FNDC3A: variants seen among roughly 807,000 people sequenced by gnomAD.
FNDC3A encodes fibronectin type-III domain-containing protein 3A.
FNDC3A carries 32 observed loss-of-function variants against 148.9 expected under a neutral mutation model. The observed-to-expected ratio is 0.21, with a 90% CI of 0.16 to 0.29. The LOEUF is 0.29. Ranked by LOEUF, FNDC3A falls within the 10% of genes least tolerant of loss-of-function variation. The probability of loss-of-function intolerance (pLI) is 1.00; values close to 1 mark genes in which losing one functional copy is unlikely to be tolerated. For missense variants in FNDC3A, 1,191 were observed against 1,452.8 expected (o/e 0.82, Z 2.93); for synonymous variants, 472 against 473.6 (o/e 1.00, Z 0.04).
At chr13:49,161,483 C>T (rs1884113233) in intron 8 of FNDC3A, among the ~76,000 whole-genome samples, 1 of 151,982 alleles carries the variant, frequency 6.6e-6, no homozygotes, top group Non-Finnish European at 1.5e-5. Flanking sequence ...TATTTTGAGC[C>T]TGTGTGTGTG....
intron 1 of FNDC3A, among the ~76,000 whole-genome samples, chr13:48,985,183 A>G (rs1388266798): frequency 6.6e-6 from 1 of 152,228 alleles, no homozygotes. Flanking sequence ...TATAAGGTGT[A>G]CCTACAAATC....
chr13:49,159,077 G>A (rs1566293620), intron 8 of FNDC3A, among the ~76,000 whole-genome samples: 1 of 152,086 alleles, frequency 6.6e-6, no homozygotes, highest in Non-Finnish European at 1.5e-5. Flanking sequence ...TTGTTCTTTT[G>A]GCTTAGGATT....
At chr13:49,118,992 C>T (rs953574337) in intron 4 of FNDC3A, among the ~76,000 whole-genome samples, 2 of 152,222 alleles carry the variant, frequency 1.3e-5, no homozygotes, top group Non-Finnish European at 2.9e-5. Flanking sequence ...CCCAGCAGAG[C>T]TCCCAAGCTC....
chr13:49,036,252 C>T (rs893629550), intron 2 of FNDC3A, among the ~76,000 whole-genome samples: 13 of 151,880 alleles, frequency 8.6e-5, no homozygotes, highest in African/African-American at 2.2e-4. Context: ...TGGGGCATCC[C>T]GAGATATATT....
intron 3 of FNDC3A, among the ~76,000 whole-genome samples, chr13:49,099,876 A>C (rs553150911): frequency 6.9e-4 from 105 of 152,252 alleles, no homozygotes; most frequent in African/African-American, 2.5e-3. Context: ...CCTTAGAAAC[A>C]GTTTTTCTTA....
intron 2 of FNDC3A, among the ~76,000 whole-genome samples, chr13:49,011,073 T>C (rs1390829394): frequency 6.6e-6 from 1 of 152,208 alleles, no homozygotes; most frequent in Non-Finnish European, 1.5e-5. Context: ...TGGGGGTTTC[T>C]AGTTTGGGAT....
intron 2 of FNDC3A, among the ~76,000 whole-genome samples, chr13:49,058,721 GTAGTAT>G (rs1876438122): frequency 6.6e-6 from 1 of 152,194 alleles, no homozygotes; most frequent in Admixed American, 6.5e-5. Flanking sequence ...CACCCAACCT[GTAGTAT>G]TTTGTTACGT....
At chr13:49,200,444 T>A (rs1333595419) in intron 23 of FNDC3A, among the ~76,000 whole-genome samples, 1 of 152,182 alleles carries the variant, frequency 6.6e-6, no homozygotes, top group African/African-American at 2.4e-5. Flanking sequence ...TACAAAGAGA[T>A]TATTTGCCTT....
At chr13:49,171,573 A>C (rs1401541703) in intron 10 of FNDC3A, among the ~76,000 whole-genome samples, 2 of 152,170 alleles carry the variant, frequency 1.3e-5, no homozygotes, top group African/African-American at 2.4e-5. Flanking sequence ...AGTCTCAGGT[A>C]ACCAGCACAG....
At chr13:49,006,350 A>G in intron 2 of FNDC3A, 61 bp downstream of exon 2, 1 of 876,568 alleles carries the variant, frequency 1.1e-6, no homozygotes, top group South Asian at 1.6e-5. Context: ...TGCAAAATTT[A>G]AAACAGATCA....
intron 8 of FNDC3A, among the ~76,000 whole-genome samples, chr13:49,165,206 T>A (rs1284194999): frequency 6.6e-6 from 1 of 152,344 alleles, no homozygotes; most frequent in East Asian, 1.9e-4. Context: ...GGAGGATTAT[T>A]GTGTTTCTTT....
At chr13:49,054,047 T>C (rs1458953398) in intron 2 of FNDC3A, among the ~76,000 whole-genome samples, 1 of 152,310 alleles carries the variant, frequency 6.6e-6, no homozygotes, top group African/African-American at 2.4e-5. Flanking sequence ...ATCTCTATTT[T>C]AATGTTAATG....
chr13:49,117,203 G>A (rs1302430864), intron 4 of FNDC3A, among the ~76,000 whole-genome samples: 2 of 152,162 alleles, frequency 1.3e-5, no homozygotes, highest in Admixed American at 1.3e-4. Context: ...AAGCCACAGA[G>A]ATAATCTTCC....
At chr13:49,186,729 A>T (rs1430639130) in intron 15 of FNDC3A, among the ~76,000 whole-genome samples, 1 of 152,174 alleles carries the variant, frequency 6.6e-6, no homozygotes, top group East Asian at 1.9e-4. Context: ...TTAGCTGGGC[A>T]TGGTGGCACA....
chr13:48,984,930 C>A (rs1158614221), intron 1 of FNDC3A, among the ~76,000 whole-genome samples: 1 of 152,140 alleles, frequency 6.6e-6, no homozygotes, highest in Non-Finnish European at 1.5e-5. Flanking sequence ...GATCTGCTCG[C>A]CTCAGCCTCC....
Position 49,033,880 on chromosome 13 carries a change from A to G in FNDC3A, c.99+27591A>G, listed in dbSNP as rs1315922035. 2.6e-5 allele frequency among the ~76,000 whole-genome samples: 4 copies of G among 152,060 alleles called. No individual in the cohort carries two copies. In the South Asian group the frequency reaches 6.2e-4, roughly 24 times the overall value. On this transcript the variant is annotated intron_variant, in intron 2 of 25. Coordinates refer to ENST00000492622, the MANE Select transcript of FNDC3A (RefSeq NM_001079673.2). ...AACTTAAAACTATTAACCTTTTACC[A>G]TAGAATAATTTTATTAAATCAATAG...
At chr13:49,060,769 A>G (rs1449679377) in intron 2 of FNDC3A, among the ~76,000 whole-genome samples, 1 of 151,938 alleles carries the variant, frequency 6.6e-6, no homozygotes, top group Admixed American at 6.6e-5. Flanking sequence ...TTTTGTTTAT[A>G]TTAAACATCC....
chr13:49,065,775 C>T (rs1364546849), intron 2 of FNDC3A, among the ~76,000 whole-genome samples: 2 of 152,164 alleles, frequency 1.3e-5, no homozygotes, highest in African/African-American at 4.8e-5. Flanking sequence ...ATTTCATTTA[C>T]ATTGTGTATT....
chr13:49,009,647 T>C (rs1952296460), intron 2 of FNDC3A, among the ~76,000 whole-genome samples: 1 of 152,206 alleles, frequency 6.6e-6, no homozygotes, highest in Non-Finnish European at 1.5e-5. Flanking sequence ...GTGTGCCCTG[T>C]TAGAACCTCC....
Sources: gnomAD v4.1 joint callset for allele counts (sites outside exome capture counted in the v4.1 genomes callset) on GRCh38, gnomAD v4.1.1 for gene constraint, MANE v1.5 for transcripts, NCBI Gene and HGNC (gene_info 2026-07-23, HGNC 2026-07-21) for gene names.